The following COL4A3 variants were observed in gnomAD, a reference collection of about 807,000 sequenced individuals.
COL4A3 encodes collagen alpha-3(IV) chain.
Under a neutral mutation model 217.4 loss-of-function variants are expected in COL4A3, and 135 were observed. The observed-to-expected ratio is 0.62, with a 90% CI of 0.54 to 0.72. The LOEUF is 0.72. Ranked by LOEUF, COL4A3 falls within the 30% of genes least tolerant of loss-of-function variation. COL4A3 has a pLI of 0.00. For missense variants in COL4A3, 1,868 were observed against 2,119.9 expected, an observed-to-expected ratio of 0.88 and a Z score of 2.33; for synonymous variants, 690 against 736.3, an observed-to-expected ratio of 0.94 and a Z score of 1.02.
chr2:227,233,333 T>TA (rs398039895), intron 1 of COL4A3, among the ~76,000 whole-genome samples: 90,131 of 149,372 alleles, frequency 0.6, 27,317 homozygotes, highest in Non-Finnish European at 0.64. Flanking sequence ...ATTGGCCTGT[T>TA]AAAAAAAAAA....
At chr2:227,193,538 C>T (rs887670128) in intron 1 of COL4A3, among the ~76,000 whole-genome samples, 1 of 152,014 alleles carries the variant, frequency 6.6e-6, no homozygotes, top group African/African-American at 2.4e-5. Context: ...ATGATGAAAC[C>T]CCATCTCTAC....
At chr2:227,235,876 C>T (rs554844741) in intron 1 of COL4A3, among the ~76,000 whole-genome samples, 1 of 148,856 alleles carries the variant, frequency 6.7e-6, no homozygotes, top group Non-Finnish European at 1.5e-5. Flanking sequence ...CAGGTTCAAG[C>T]GATTCACCTG....
chr2:227,304,299 T>C lies in COL4A3; in HGVS notation c.4153+155T>C, dbSNP rs1374924983. On this transcript the variant is annotated intron_variant, in intron 46 of 51. Transcript: ENST00000396578. ...TCTTAGGATTGAGCTCATTTTACCC[T>C]TGACCAGCAAATAAAAGACCTTGGA... is the stretch of plus-strand genomic sequence containing the variant. The C allele has an allele frequency of 9.8e-6, 9 of 922,826 alleles. No individual in the cohort carries two copies. In the East Asian group the frequency reaches 1.6e-4, roughly 16 times the overall value. The allele number at this position is 922,826 out of a possible 1,614,324, so 57.2% of individuals were successfully genotyped here. A position where few individuals can be genotyped will look rare whatever the true frequency, so the allele number is the denominator to read the frequency against.
chr2:227,279,549 A>C (rs1332630025), intron 28 of COL4A3: 3 of 507,118 alleles, frequency 5.9e-6, no homozygotes, highest in African/African-American at 1.9e-5. Context: ...CAGTGGTTTG[A>C]AGAATTGCTG....
rs1011447109 is a variant in COL4A3 at position 227,249,828 on chromosome 2, T to C, written c.546+1308T>C. Among the ~76,000 whole-genome samples, 9 of 152,290 alleles carry C rather than the reference T, an allele frequency of 5.9e-5. No homozygotes were observed. In the South Asian group the frequency reaches 1.9e-3, roughly 32 times the overall value. ...AGGCAGGGGATCCAGGAAGAAGAGA[T>C]AATAGTAATCTGAGATATTGATACA... On this transcript the variant is annotated intron_variant, in intron 9 of 51. Coordinates refer to ENST00000396578, the MANE Select transcript of COL4A3 (RefSeq NM_000091.5).
chr2:227,297,821 C>A lies in COL4A3; in HGVS notation c.3713C>A (p.Thr1238Lys), dbSNP rs528758931. The change falls in exon 42 of 52, where the codon ACA becomes AAA. Residue 1238 changes from threonine to lysine, a missense_variant. By Grantham distance (78) the Thr-to-Lys change is moderately conservative. Around this residue, in one of 2 missense-constraint regions of COL4A3, gnomAD observed 1,503 missense variants for 1,786.1 expected, o/e 0.84. Transcript: ENST00000396578. ...CCCGGTGCAATTATCCCTGGCCAGA[C>A]AGGAAATCGTGGTCCACCAGGCTCA... is the stretch of plus-strand genomic sequence containing the variant. ...GLPGAIIPGQ[T>K]GNRGPPGSRG... The A allele has an allele frequency of 6.4e-7, 1 of 1,566,550 alleles. No individual in the cohort carries two copies. Among genetic ancestry groups the A allele is most frequent in the Admixed American group, 1.9e-5 (1 of 52,342 alleles).
intron 26 of COL4A3, among the ~76,000 whole-genome samples, chr2:227,275,576 A>AT (rs143260850): frequency 3.6e-3 from 547 of 152,184 alleles, no homozygotes; most frequent in Non-Finnish European, 6.7e-3. Flanking sequence ...CTGTAAACCT[A>AT]TTTTTTTCTA....
chr2:227,257,736 T>C, intron 18 of COL4A3, 92 bp downstream of exon 18: 2 of 1,113,420 alleles, frequency 1.8e-6, no homozygotes, highest in Admixed American at 3.4e-5. Context: ...TCATTAACTG[T>C]GTGAGAGAGA....
intron 1 of COL4A3, among the ~76,000 whole-genome samples, chr2:227,235,772 C>CTTTTTT (rs201024233): frequency 0.054 from 6,543 of 121,914 alleles, 217 homozygotes; most frequent in East Asian, 0.13. Context: ...TATTTCATTC[C>CTTTTTT]TTTTTTTTTT....
intron 18 of COL4A3, among the ~76,000 whole-genome samples, chr2:227,259,464 A>T (rs1353937258): frequency 2.0e-5 from 3 of 152,248 alleles, no homozygotes; most frequent in Admixed American, 6.5e-5. Context: ...GTGAAACTTT[A>T]ATTTTTCTAT....
chr2:227,277,842 A>C, intron 28 of COL4A3, among the ~76,000 whole-genome samples: 1 of 152,138 alleles, frequency 6.6e-6, no homozygotes, highest in Non-Finnish European at 1.5e-5. Flanking sequence ...TCTATTAAAA[A>C]TACAAACATT....
At chr2:227,288,711 T>C (rs2072489164) in intron 34 of COL4A3, among the ~76,000 whole-genome samples, 2 of 152,244 alleles carry the variant, frequency 1.3e-5, no homozygotes, top group African/African-American at 2.4e-5. Flanking sequence ...AAAGAGTACA[T>C]ATTAAGATCA....
chr2:227,283,977 A>G (rs2106172914), intron 33 of COL4A3, 121 bp downstream of exon 33: 5 of 1,047,976 alleles, frequency 4.8e-6, no homozygotes, highest in Non-Finnish European at 7.2e-6. Flanking sequence ...ACAGTATTTG[A>G]TTTTGCTGTT....
chr2:227,304,004 T>C lies in COL4A3; in HGVS notation c.4028-15T>C, dbSNP rs764478470. ...CCGTGAGGCCATCATCTTCTTCTTA[T>C]GTTTATGTCAACAGGTGTACGTGGA... On this transcript the variant is annotated splice_polypyrimidine_tract_variant and intron_variant, in intron 45 of 51. Coordinates refer to ENST00000396578, the MANE Select transcript of COL4A3 (RefSeq NM_000091.5). 1.2e-6 allele frequency: 2 copies of C among 1,614,236 alleles called. No homozygotes were observed. The highest frequency in any genetic ancestry group is 1.3e-5 in the African/African-American group (1 of 75,072).
intron 1 of COL4A3, among the ~76,000 whole-genome samples, chr2:227,227,244 AG>A (rs2068147261): frequency 6.6e-6 from 1 of 152,156 alleles, no homozygotes; most frequent in Admixed American, 6.5e-5. Context: ...TGATAGGGTG[AG>A]AGGGGGAGAA....
At chr2:227,260,182 A>C in intron 19 of COL4A3, 1 of 518,114 alleles carries the variant, frequency 1.9e-6, no homozygotes, top group Non-Finnish European at 3.6e-6. Flanking sequence ...CAATGGGATT[A>C]CGAAGGGAAA....
At chr2:227,279,955 G>A in intron 29 of COL4A3, 65 bp downstream of exon 29, 2 of 1,014,292 alleles carry the variant, frequency 2.0e-6, no homozygotes, top group Non-Finnish European at 3.0e-6. Context: ...CAGTTTGTAT[G>A]CACTTATCTG....
At chr2:227,233,970 A>G (rs1031437435) in intron 1 of COL4A3, among the ~76,000 whole-genome samples, 3 of 152,218 alleles carry the variant, frequency 2.0e-5, no homozygotes, top group African/African-American at 4.8e-5. Flanking sequence ...TTCATTTTCT[A>G]TGGTCATTGA....
chr2:227,214,843 C>G (rs2067465133), intron 1 of COL4A3, among the ~76,000 whole-genome samples: 1 of 152,164 alleles, frequency 6.6e-6, no homozygotes, highest in Non-Finnish European at 1.5e-5. Flanking sequence ...CTCATAAACT[C>G]CTAGGGCTTG....
Sources: allele counts gnomAD v4.1 joint callset (sites outside exome capture counted in the v4.1 genomes callset), GRCh38; gene constraint gnomAD v4.1.1; regional missense constraint gnomAD v4.1.1; transcripts MANE v1.5; gene names NCBI Gene and HGNC (gene_info 2026-07-23, HGNC 2026-07-21).